ABCC8: variants seen among roughly 807,000 people sequenced by gnomAD.
ABCC8 encodes the protein ATP binding cassette subfamily C member 8, also known as ATP-binding cassette sub-family C member 8.
ABCC8 carries 137 observed loss-of-function variants against 188.0 expected under a neutral mutation model. The observed-to-expected ratio is 0.73, with a 90% CI of 0.63 to 0.84. ABCC8 has a LOEUF of 0.84. Among genes scored for constraint, ABCC8 ranks in the 40% least tolerant of loss-of-function variants. The pLI, the probability that ABCC8 is intolerant of heterozygous loss-of-function variation, is 0.00. For missense variants in ABCC8, 1,750 were observed against 2,072.7 expected (o/e 0.84, Z 3.02); for synonymous variants, 797 against 846.5 (o/e 0.94, Z 1.01).
At chr11:17,446,540 A>G (rs988769225) in intron 8 of ABCC8, among the ~76,000 whole-genome samples, 5 of 152,138 alleles carry the variant, frequency 3.3e-5, no homozygotes, top group African/African-American at 1.2e-4. Flanking sequence ...CAGCCTTTTG[A>G]GTGGCTGAGA....
At position 17,428,679 on chromosome 11, in the gene ABCC8, G is replaced by T. The variant is rs1359842448; in HGVS notation, c.1818-9C>A. On this transcript the variant is annotated splice_polypyrimidine_tract_variant and intron_variant, in intron 12 of 38. Coordinates refer to ENST00000389817, the MANE Select transcript of ABCC8 (RefSeq NM_000352.6). ...CGCTTAGCTTTTGCACGCTGCTCGG[G>T]AAGCACAGAGACACCCCTCACCCCT... 3 of 1,611,268 alleles carry T rather than the reference G, an allele frequency of 1.9e-6. No individual in the cohort carries two copies. Among genetic ancestry groups the T allele is most frequent in the Non-Finnish European group, 2.5e-6 (3 of 1,180,024 alleles).
At chr11:17,400,713 C>A (rs1323413802) in intron 29 of ABCC8, among the ~76,000 whole-genome samples, 1 of 152,232 alleles carries the variant, frequency 6.6e-6, no homozygotes, top group Non-Finnish European at 1.5e-5. Context: ...AAGCTCAGCG[C>A]CAGCCCCCGC....
chr11:17,441,870 A>T (rs1956329454), intron 10 of ABCC8, among the ~76,000 whole-genome samples: 1 of 152,166 alleles, frequency 6.6e-6, no homozygotes. Flanking sequence ...TCACGAGGTC[A>T]GGAGTTCAAG....
intron 23 of ABCC8, 47 bp from the exon 24 acceptor site, chr11:17,407,500 G>C: frequency 3.1e-6 from 5 of 1,613,644 alleles, no homozygotes; most frequent in Non-Finnish European, 4.2e-6. Context: ...ATATATGGTT[G>C]GTGGGGGAAG....
At chr11:17,433,320 G>C (rs1258524222) in intron 10 of ABCC8, among the ~76,000 whole-genome samples, 1 of 152,248 alleles carries the variant, frequency 6.6e-6, no homozygotes, top group African/African-American at 2.4e-5. Context: ...TTAAAGCAGA[G>C]GGACCAGGAG....
chr11:17,454,948 G>A (rs1956940542), intron 6 of ABCC8, among the ~76,000 whole-genome samples: 1 of 152,112 alleles, frequency 6.6e-6, no homozygotes, highest in African/African-American at 2.4e-5. Flanking sequence ...TAGGCATGTG[G>A]GTTTAGGAAG....
Position 17,393,134 on chromosome 11 carries a change from C to A in ABCC8, c.4609-6G>T. ...AGGATGGTGTGCACTCGATGCTGGG[C>A]AGGGCAGGAGGGGGCGGGTCAGGAT... On this transcript the variant is annotated splice_polypyrimidine_tract_variant and splice_region_variant and intron_variant, in intron 38 of 38. Transcript: ENST00000389817. 5.0e-6 allele frequency: 8 copies of A among 1,613,492 alleles called. No homozygotes were observed. Among genetic ancestry groups the A allele is most frequent in the Non-Finnish European group, 6.8e-6 (8 of 1,179,920 alleles).
At chr11:17,453,412 G>T in intron 6 of ABCC8, 129 bp from the exon 7 acceptor site, 2 of 1,303,368 alleles carry the variant, frequency 1.5e-6, no homozygotes, top group Non-Finnish European at 1.1e-6. Context: ...AAAGGCTTGT[G>T]CAATTGTTTA....
chr11:17,427,281 C>T lies in ABCC8; in HGVS notation c.2117-127G>A, dbSNP rs2133532651. 7.3e-7 allele frequency: 1 copy of T among 1,369,498 alleles called. No homozygotes were observed. The highest frequency in any genetic ancestry group is 2.7e-4 in the Middle Eastern group (1 of 3,732). The allele number at this position is 1,369,498 out of a possible 1,614,324, so 84.8% of individuals were successfully genotyped here. Reference sequence around the variant, plus strand: ...TGTTTTCTTTCTTCCTACCTAGAATCCCCAGCAAGTCCTCTCCCTCTTTAA... The same window carrying T: ...TGTTTTCTTTCTTCCTACCTAGAATTCCCAGCAAGTCCTCTCCCTCTTTAA... On this transcript the variant is annotated intron_variant, in intron 15 of 38. Transcript: ENST00000389817. This position sits in a 1 kb window ranked among gnomAD's most constrained non-coding sequence, Gnocchi z 5.0.
intron 8 of ABCC8, among the ~76,000 whole-genome samples, chr11:17,447,115 T>G (rs1407380361): frequency 1.3e-5 from 2 of 152,202 alleles, no homozygotes; most frequent in Admixed American, 1.3e-4. Context: ...GGTTAAGTAT[T>G]TGAATCAGCC....
chr11:17,397,805 G>C lies in ABCC8; in HGVS notation c.3754-8C>G. 1 of 1,613,524 alleles carries C rather than the reference G, an allele frequency of 6.2e-7. No homozygotes were observed. Among genetic ancestry groups the C allele is most frequent in the Non-Finnish European group, 8.5e-7 (1 of 1,179,974 alleles). On this transcript the variant is annotated splice_polypyrimidine_tract_variant and splice_region_variant and intron_variant, in intron 30 of 38. Transcript: ENST00000389817. ...ACATGCACCGATGTACTCCTGGGGA[G>C]GGAGAGGAGCTGACCTGGGCGCTCA...
intron 3 of ABCC8, among the ~76,000 whole-genome samples, chr11:17,467,034 A>T (rs532476073): frequency 5.3e-4 from 69 of 129,514 alleles, no homozygotes; most frequent in African/African-American, 1.9e-3. Context: ...TATGTTAAAC[A>T]TGTTAAACCA....
chr11:17,431,620 C>T (rs1955853917), intron 11 of ABCC8, among the ~76,000 whole-genome samples: 1 of 152,262 alleles, frequency 6.6e-6, no homozygotes, highest in Admixed American at 6.5e-5. Flanking sequence ...TAGGAGCATG[C>T]TGCTTGACCC....
At chr11:17,431,476 A>G (rs1475871579) in intron 11 of ABCC8, among the ~76,000 whole-genome samples, 2 of 152,168 alleles carry the variant, frequency 1.3e-5, no homozygotes, top group African/African-American at 4.8e-5. Context: ...CAGGCTGTGA[A>G]CTCTACACAG....
chr11:17,465,467 T>C (rs1266293085), intron 3 of ABCC8: 1 of 152,248 alleles, frequency 6.6e-6, no homozygotes, highest in African/African-American at 2.4e-5. Context: ...ACACAGGGAA[T>C]TAGCAGTGCA....
At chr11:17,397,630 C>T (rs1319028785) in intron 31 of ABCC8, 54 bp downstream of exon 31, 1 of 1,582,212 alleles carries the variant, frequency 6.3e-7, no homozygotes, top group African/African-American at 1.3e-5. Flanking sequence ...GACGAAGGTG[C>T]TCCGGGAGTG....
rs1957197120 is a variant in ABCC8 at position 17,461,688 on chromosome 11, A to C, written c.717T>G (p.Thr239=). The change falls in exon 5 of 39, where the codon ACT becomes ACG. Residue 239 remains threonine, a synonymous_variant. Transcript: ENST00000389817. ...GCAAGTCGATGGGCTTCTTGTGGGC[A>C]GTCTTGATGAAGGCGTTCATCCACC... ...TYWWMNAFIK[T]AHKKPIDLRA... is the part of the protein sequence containing the mutation. 6.2e-7 allele frequency: 1 copy of C among 1,614,104 alleles called. No homozygotes were observed. The highest frequency in any genetic ancestry group is 1.3e-5 in the African/African-American group (1 of 74,942).
At chr11:17,398,197 C>A in intron 30 of ABCC8, 142 bp downstream of exon 30, 1 of 1,142,020 alleles carries the variant, frequency 8.8e-7, no homozygotes, top group Non-Finnish European at 1.3e-6. Flanking sequence ...CTAGGAGGAC[C>A]ACCAGGGCTG....
In ABCC8 at chr11:17,408,577, C is replaced by T. The variant is rs568367248; in HGVS notation, c.2695-60G>A. On this transcript the variant is annotated intron_variant, in intron 22 of 38. Coordinates refer to ENST00000389817, the MANE Select transcript of ABCC8 (RefSeq NM_000352.6). ...GGCTGGGGAGGAATGGTGGTCACAT[C>T]CCTCAATTGTGGAGTCTAAGATGGA... is the stretch of plus-strand genomic sequence containing the variant. The T allele has an allele frequency of 1.0e-4, 160 of 1,578,240 alleles. 1 individual carries two copies. In the South Asian group the frequency reaches 1.7e-3, roughly 17 times the overall value.
Sources: allele counts gnomAD v4.1 joint callset (sites outside exome capture counted in the v4.1 genomes callset), GRCh38; gene constraint gnomAD v4.1.1; non-coding constraint Gnocchi (gnomAD v3.1); transcripts MANE v1.5; gene names NCBI Gene and HGNC (gene_info 2026-07-23, HGNC 2026-07-21).